The following PRKN variants were observed in gnomAD, a reference collection of about 807,000 sequenced individuals.
PRKN encodes the protein parkin RBR E3 ubiquitin protein ligase.
A neutral mutation model predicts 59.5 loss-of-function variants in PRKN; 56 were observed. That is an observed-to-expected ratio of 0.94 (90% CI 0.76 to 1.18). PRKN has a LOEUF of 1.18. Among genes scored for constraint, PRKN ranks in the 50% most tolerant of loss-of-function variants. PRKN has a pLI of 0.00. For missense variants in PRKN, 657 were observed against 596.4 expected, an observed-to-expected ratio of 1.10 and a Z score of -1.06; for synonymous variants, 250 against 222.1, an observed-to-expected ratio of 1.13 and a Z score of -1.12.
chr6:162,475,216 G>A (rs1420808247), intron 1 of PRKN, among the ~76,000 whole-genome samples: 1 of 152,176 alleles, frequency 6.6e-6, no homozygotes, highest in Admixed American at 6.5e-5. Flanking sequence ...AACAGCCTAT[G>A]AAAAGGCACA....
At chr6:161,884,743 T>A (rs1417728701) in intron 6 of PRKN, among the ~76,000 whole-genome samples, 1 of 152,198 alleles carries the variant, frequency 6.6e-6, no homozygotes, top group Non-Finnish European at 1.5e-5. Context: ...GAATCTGTAG[T>A]AGTCAATGAG....
At chr6:161,671,020 T>G (rs942989857) in intron 7 of PRKN, among the ~76,000 whole-genome samples, 1 of 152,170 alleles carries the variant, frequency 6.6e-6, no homozygotes, top group African/African-American at 2.4e-5. Context: ...GAAGTGTTTT[T>G]TCGTGTGTTT....
intron 1 of PRKN, among the ~76,000 whole-genome samples, chr6:162,637,480 C>T (rs1427399897): frequency 2.0e-5 from 3 of 152,080 alleles, no homozygotes; most frequent in Admixed American, 2.0e-4. Flanking sequence ...AACCCCTGAG[C>T]ACAGCTGACA....
At chr6:162,522,488 T>G (rs564861689) in intron 1 of PRKN, among the ~76,000 whole-genome samples, 1 of 152,254 alleles carries the variant, frequency 6.6e-6, no homozygotes, top group Admixed American at 6.5e-5. Flanking sequence ...GTCTATACCA[T>G]CATGATAAAG....
At chr6:161,645,905 G>A (rs1402911680) in intron 7 of PRKN, among the ~76,000 whole-genome samples, 1 of 150,138 alleles carries the variant, frequency 6.7e-6, no homozygotes, top group Non-Finnish European at 1.5e-5. Context: ...CGGAGGAGGC[G>A]GCGTATCAGT....
chr6:162,708,580 G>T (rs1370675280), intron 1 of PRKN, among the ~76,000 whole-genome samples: 5 of 152,106 alleles, frequency 3.3e-5, no homozygotes, highest in Admixed American at 3.3e-4. Flanking sequence ...AAATTGATTA[G>T]CCTCTTTCTC....
In PRKN at chr6:161,354,105, C is replaced by T. The variant is rs1784664983; in HGVS notation, c.1286-3894G>A. Among the ~76,000 whole-genome samples, 1 of 152,084 alleles carries T rather than the reference C, an allele frequency of 6.6e-6. No individual in the cohort carries two copies. The highest frequency in any genetic ancestry group is 2.4e-5 in the African/African-American group (1 of 41,418). The stretch of plus-strand genomic sequence containing the variant: ...GTACAGAAGCTAGAATTACAATGGC[C>T]TGGTACAGTAAGAATGGAAATGGGA... On this transcript the variant is annotated intron_variant, in intron 11 of 11. Transcript: ENST00000366898. The surrounding 1 kb of genome is among the most constrained non-coding windows in gnomAD (Gnocchi z 6.7).
intron 1 of PRKN, chr6:162,727,313 G>A (rs1285664016): frequency 3.0e-5 from 11 of 365,588 alleles, no homozygotes; most frequent in Non-Finnish European, 5.4e-5. Flanking sequence ...GCGGCGGGGC[G>A]AAGGTGAGGG....
intron 1 of PRKN, among the ~76,000 whole-genome samples, chr6:162,716,266 G>A (rs1466137891): frequency 6.6e-6 from 1 of 152,130 alleles, no homozygotes; most frequent in Non-Finnish European, 1.5e-5. Flanking sequence ...TTTTCCAAAT[G>A]TTTCTGTTAA....
chr6:162,136,710 T>C (rs958355780), intron 4 of PRKN, among the ~76,000 whole-genome samples: 1 of 152,222 alleles, frequency 6.6e-6, no homozygotes, highest in East Asian at 1.9e-4. Flanking sequence ...GCTGAATTGC[T>C]GATTTTCACT....
In PRKN at chr6:161,974,927, A is replaced by C. The variant is rs138051008; in HGVS notation, c.619-1510T>G. Reference sequence around the variant, plus strand: ...TAAAAACAGCCATAAGCAGTATGCAAATGAATGGGTGTGGCTGTGTCCTAA... The same window carrying C: ...TAAAAACAGCCATAAGCAGTATGCACATGAATGGGTGTGGCTGTGTCCTAA... On this transcript the variant is annotated intron_variant, in intron 5 of 11. Coordinates refer to ENST00000366898, the MANE Select transcript of PRKN (RefSeq NM_004562.3). Among the ~76,000 whole-genome samples the C allele has an allele frequency of 7.6e-4, 115 of 152,276 alleles. 2 individuals are homozygous for C. Among genetic ancestry groups the C allele is most frequent in the Admixed American group, 6.6e-3 (101 of 15,294 alleles).
intron 7 of PRKN, among the ~76,000 whole-genome samples, chr6:161,667,102 C>A (rs541069793): frequency 6.6e-6 from 1 of 152,346 alleles, no homozygotes; most frequent in East Asian, 1.9e-4. Flanking sequence ...AGCAGCCCTG[C>A]AGAAACACTA....
At chr6:161,830,418 AT>A (rs1254797528) in intron 6 of PRKN, among the ~76,000 whole-genome samples, 2 of 151,654 alleles carry the variant, frequency 1.3e-5, no homozygotes, top group Non-Finnish European at 2.9e-5. Context: ...TGCCGAGCTA[AT>A]TTTTTTCTGT....
At position 161,550,384 on chromosome 6, in the gene PRKN, A is replaced by T. The variant is rs962608342; in HGVS notation, c.934-1381T>A. 6.6e-5 allele frequency among the ~76,000 whole-genome samples: 10 copies of T among 152,184 alleles called. No individual in the cohort carries two copies. The highest frequency in any genetic ancestry group is 2.4e-4 in the African/African-American group (10 of 41,432). On this transcript the variant is annotated intron_variant, in intron 8 of 11. Coordinates refer to ENST00000366898, the MANE Select transcript of PRKN (RefSeq NM_004562.3). The surrounding 1 kb of genome is among the most constrained non-coding windows in gnomAD (Gnocchi z 4.0). ...ATAATTTGACTAATATTTTAAAGAC[A>T]TCCACCTGGCTGCTATGTTCGGAAT...
At chr6:161,644,257 G>A (rs1582937031) in intron 7 of PRKN, among the ~76,000 whole-genome samples, 1 of 151,986 alleles carries the variant, frequency 6.6e-6, no homozygotes, top group East Asian at 1.9e-4. Context: ...GCAAAGTTAG[G>A]GATTCACTCA....
intron 1 of PRKN, among the ~76,000 whole-genome samples, chr6:162,610,083 C>T (rs1427768215): frequency 1.3e-5 from 2 of 152,158 alleles, no homozygotes; most frequent in African/African-American, 4.8e-5. Flanking sequence ...CTTACAACAA[C>T]AACAAAGCTC....
chr6:161,893,889 A>T (rs12207186), intron 6 of PRKN, among the ~76,000 whole-genome samples: 9,615 of 152,238 alleles, frequency 0.063, 380 homozygotes, highest in East Asian at 0.17. Flanking sequence ...TCCTCGACGG[A>T]TCTGGGTAAG....
Position 161,563,525 on chromosome 6 carries a change from T to C in PRKN, c.933+5830A>G, listed in dbSNP as rs893219278. Among the ~76,000 whole-genome samples the C allele has an allele frequency of 4.6e-5, 7 of 152,162 alleles. No homozygotes were observed. In the East Asian group the frequency reaches 1.2e-3, roughly 25 times the overall value. ...TGTGATAATGTCTTTGCCAAAGAAT[T>C]TGGACTAGGGGGAAGGAGTGTTGAA... On this transcript the variant is annotated intron_variant, in intron 8 of 11. Coordinates refer to ENST00000366898, the MANE Select transcript of PRKN (RefSeq NM_004562.3).
intron 7 of PRKN, among the ~76,000 whole-genome samples, chr6:161,659,137 C>A (rs980435805): frequency 4.6e-5 from 7 of 152,192 alleles, no homozygotes; most frequent in Non-Finnish European, 8.8e-5. Context: ...GCACCACATT[C>A]TCAGTTAGGT....
Sources: gnomAD v4.1 joint callset for allele counts (sites outside exome capture counted in the v4.1 genomes callset) on GRCh38, gnomAD v4.1.1 for gene constraint, Gnocchi (gnomAD v3.1) non-coding constraint, MANE v1.5 for transcripts, NCBI Gene and HGNC (gene_info 2026-07-23, HGNC 2026-07-21) for gene names.